Variants in ESRRB observed in about 807,000 individuals in gnomAD.
The protein encoded by ESRRB is steroid hormone receptor ERR2.
A neutral mutation model predicts 46.0 loss-of-function variants in ESRRB; 16 were observed. That is an observed-to-expected ratio of 0.35 (90% CI 0.24 to 0.53). The LOEUF (loss-of-function observed/expected upper bound fraction) is 0.53, where lower values mean the gene tolerates loss of function less well. Ranked by LOEUF, ESRRB falls within the 20% of genes least tolerant of loss-of-function variation. The pLI is 0.93. For missense variants in ESRRB, 488 were observed against 607.4 expected (o/e 0.80, Z 2.07); for synonymous variants, 246 against 259.6 (o/e 0.95, Z 0.50).
intron 1 of ESRRB, among the ~76,000 whole-genome samples, chr14:76,338,693 C>T (rs1026210865): frequency 6.6e-6 from 1 of 152,140 alleles, no homozygotes; most frequent in East Asian, 1.9e-4. Flanking sequence ...TGCCTGTAAT[C>T]CCACCACTTT....
chr14:76,447,733 C>T (rs932619695), intron 2 of ESRRB, among the ~76,000 whole-genome samples: 2 of 152,098 alleles, frequency 1.3e-5, no homozygotes, highest in Admixed American at 6.6e-5. Context: ...CCTACCACCC[C>T]GAACTAACAT....
intron 5 of ESRRB, among the ~76,000 whole-genome samples, chr14:76,486,867 A>G (rs1198799152): frequency 6.6e-6 from 1 of 152,210 alleles, no homozygotes; most frequent in East Asian, 1.9e-4. Flanking sequence ...AGAGTTACTA[A>G]TAACTTGAGA....
chr14:76,393,068 T>C (rs566896825), intron 1 of ESRRB, among the ~76,000 whole-genome samples: 1 of 152,338 alleles, frequency 6.6e-6, no homozygotes. Flanking sequence ...ATCTGGGGCA[T>C]AGCAGAGAAG....
At chr14:76,472,872 GA>G (rs1249153397) in intron 3 of ESRRB, among the ~76,000 whole-genome samples, 14 of 152,258 alleles carry the variant, frequency 9.2e-5, no homozygotes, top group African/African-American at 3.4e-4. Context: ...TAAAAGTATT[GA>G]AAAAACGGGT....
chr14:76,381,882 A>G (rs1566867813), intron 1 of ESRRB, among the ~76,000 whole-genome samples: 1 of 152,088 alleles, frequency 6.6e-6, no homozygotes, highest in Non-Finnish European at 1.5e-5. Context: ...ACACAAAAAC[A>G]CCAGACAAGT....
At chr14:76,498,076 C>T in intron 6 of ESRRB, 138 bp from the exon 7 acceptor site, 1 of 1,017,464 alleles carries the variant, frequency 9.8e-7, no homozygotes. Context: ...CTCTGGGCCT[C>T]AGATTGGCTC....
chr14:76,483,334 T>A (rs1889881817), intron 5 of ESRRB, among the ~76,000 whole-genome samples: 1 of 152,208 alleles, frequency 6.6e-6, no homozygotes, highest in Non-Finnish European at 1.5e-5. Context: ...AGATCCTGTG[T>A]GTGAAGTGTT....
chr14:76,470,827 AC>A (rs1236291555), intron 3 of ESRRB, among the ~76,000 whole-genome samples: 2 of 152,146 alleles, frequency 1.3e-5, no homozygotes, highest in Non-Finnish European at 2.9e-5. Flanking sequence ...TAGCTGGTCT[AC>A]AGGCATGTGC....
At chr14:76,474,217 T>C (rs1889483927) in intron 3 of ESRRB, among the ~76,000 whole-genome samples, 1 of 152,214 alleles carries the variant, frequency 6.6e-6, no homozygotes, top group African/African-American at 2.4e-5. Flanking sequence ...TGTTTCTCTC[T>C]TCCATGAGGA....
At chr14:76,477,448 A>G (rs1050696383) in intron 3 of ESRRB, among the ~76,000 whole-genome samples, 4 of 152,220 alleles carry the variant, frequency 2.6e-5, no homozygotes, top group African/African-American at 9.6e-5. Context: ...TTTTCTCATC[A>G]TTAAGTCATA....
intron 1 of ESRRB, among the ~76,000 whole-genome samples, chr14:76,411,428 A>G (rs1165029900): frequency 2.6e-5 from 4 of 151,724 alleles, no homozygotes; most frequent in Non-Finnish European, 5.9e-5. Flanking sequence ...AGCCTGGACA[A>G]CAAAGCAAGA....
At chr14:76,420,627 G>A (rs1042093065) in intron 1 of ESRRB, among the ~76,000 whole-genome samples, 7 of 137,454 alleles carry the variant, frequency 5.1e-5, no homozygotes, top group Admixed American at 1.5e-4. Flanking sequence ...GAGACAGAGA[G>A]CAACACATTT....
intron 1 of ESRRB, among the ~76,000 whole-genome samples, chr14:76,327,822 G>A (rs141925099): frequency 0.027 from 4,134 of 152,098 alleles, 82 homozygotes; most frequent in Middle Eastern, 0.048. Flanking sequence ...TCCTGTCTCA[G>A]CCTCCCGAGT....
intron 1 of ESRRB, among the ~76,000 whole-genome samples, chr14:76,422,528 C>T (rs1339786330): frequency 2.0e-5 from 3 of 152,114 alleles, no homozygotes; most frequent in African/African-American, 7.2e-5. Flanking sequence ...CCTTCTTATA[C>T]TCAGTTTACA....
chr14:76,311,445 C>A (rs1274711174), intron 1 of ESRRB, among the ~76,000 whole-genome samples: 1 of 152,062 alleles, frequency 6.6e-6, no homozygotes, highest in Non-Finnish European at 1.5e-5. Context: ...AGGGAGACTC[C>A]CCACAGTCCC....
rs144428756 is a variant in ESRRB, at chr14:76,428,317, C to A, written c.51-11024C>A. 5.7e-3 allele frequency among the ~76,000 whole-genome samples: 865 copies of A among 151,978 alleles called. 22 individuals carry two copies. The highest frequency in any genetic ancestry group is 0.049 in the Admixed American group (746 of 15,218). On this transcript the variant is annotated intron_variant, in intron 1 of 6. Coordinates refer to ENST00000644823, the MANE Select transcript of ESRRB (RefSeq NM_001379180.1). ...CCAGCCATGAGGTAGGATATTTATG[C>A]CACATCACTGCTTGATATAGAGTGA...
At chr14:76,366,547 C>T (rs992927676), upstream of ESRRB, among the ~76,000 whole-genome samples, 10 of 152,180 alleles carry the variant, frequency 6.6e-5, no homozygotes, top group Non-Finnish European at 1.2e-4. Flanking sequence ...GTCACTTGAC[C>T]CTCCCATTGC....
chr14:76,431,010 T>C (rs1266273666), intron 1 of ESRRB, among the ~76,000 whole-genome samples: 1 of 152,080 alleles, frequency 6.6e-6, no homozygotes, highest in Non-Finnish European at 1.5e-5. Flanking sequence ...TAAAAAACAG[T>C]GAGAGGCCGG....
At chr14:76,343,006 G>A (rs779516805) in intron 1 of ESRRB, among the ~76,000 whole-genome samples, 7 of 152,196 alleles carry the variant, frequency 4.6e-5, no homozygotes, top group Non-Finnish European at 8.8e-5. Flanking sequence ...GTGGACAGGG[G>A]AGATGAAGGG....
Sources: gnomAD v4.1 joint callset for allele counts (sites outside exome capture counted in the v4.1 genomes callset) on GRCh38, gnomAD v4.1.1 for gene constraint, MANE v1.5 for transcripts, NCBI Gene and HGNC (gene_info 2026-07-23, HGNC 2026-07-21) for gene names.